The following SH3GL2 variants were observed in gnomAD, a reference collection of about 807,000 sequenced individuals.
SH3GL2 encodes SH3 domain containing GRB2 like 2, endophilin A1, also known as endophilin-A1.
Under a neutral mutation model 46.0 loss-of-function variants are expected in SH3GL2, and 24 were observed. That is an observed-to-expected ratio of 0.52 (90% CI 0.38 to 0.73). The LOEUF (loss-of-function observed/expected upper bound fraction) is 0.73, where lower values mean the gene tolerates loss of function less well. Among genes scored for constraint, SH3GL2 ranks in the 30% least tolerant of loss-of-function variants. The pLI, the probability that SH3GL2 is intolerant of heterozygous loss-of-function variation, is 0.00. For missense variants in SH3GL2, 413 were observed against 424.2 expected (o/e 0.97, Z 0.23); for synonymous variants, 196 against 147.1 (o/e 1.33, Z -2.40).
At chr9:17,682,399 A>C (rs529171581) in intron 1 of SH3GL2, among the ~76,000 whole-genome samples, 7 of 152,276 alleles carry the variant, frequency 4.6e-5, no homozygotes, top group African/African-American at 1.7e-4. Flanking sequence ...ATGAGATCAG[A>C]TCCTTTGCAG....
At chr9:17,786,756 A>G (rs1467600944) in intron 4 of SH3GL2, among the ~76,000 whole-genome samples, 5 of 152,068 alleles carry the variant, frequency 3.3e-5, no homozygotes, top group African/African-American at 1.2e-4. Flanking sequence ...AGTCTTTACA[A>G]CAGCTTTGGT....
rs200983128 is a variant in SH3GL2, at chr9:17,761,524, T to G, written c.187+15T>G. The G allele has an allele frequency of 2.7e-6, 4 of 1,472,748 alleles. No homozygotes were observed. The highest frequency in any genetic ancestry group is 3.8e-6 in the Non-Finnish European group (4 of 1,051,124). 91.2% of individuals were successfully genotyped at this position (1,472,748 alleles called of 1,614,324 possible). On this transcript the variant is annotated intron_variant, in intron 3 of 8. Coordinates refer to ENST00000380607, the MANE Select transcript of SH3GL2 (RefSeq NM_003026.5). The stretch of plus-strand genomic sequence containing the variant: ...ACCCAATCCAGGTAAGGCATCATCT[T>G]ATATGTTTAAAGGATCCCTCGAGGT...
chr9:17,772,498 C>A (rs1823513455), intron 3 of SH3GL2, among the ~76,000 whole-genome samples: 1 of 152,146 alleles, frequency 6.6e-6, no homozygotes, highest in Non-Finnish European at 1.5e-5. Context: ...TAATAACTCC[C>A]CCTTTCCTAC....
At chr9:17,725,810 AAC>A (rs1248434100) in intron 1 of SH3GL2, among the ~76,000 whole-genome samples, 1 of 152,148 alleles carries the variant, frequency 6.6e-6, no homozygotes, top group Admixed American at 6.5e-5. Flanking sequence ...GTGCTTCCAC[AAC>A]ACATGGCTGG....
chr9:17,625,504 T>C (rs978972853), intron 1 of SH3GL2, among the ~76,000 whole-genome samples: 1 of 152,238 alleles, frequency 6.6e-6, no homozygotes, highest in Non-Finnish European at 1.5e-5. Context: ...TGGGATCCTC[T>C]GGACAATACC....
intron 1 of SH3GL2, among the ~76,000 whole-genome samples, chr9:17,709,003 T>C (rs138134808): frequency 1.2e-4 from 19 of 152,158 alleles, no homozygotes; most frequent in African/African-American, 2.2e-4. Flanking sequence ...TGTTCAGCAA[T>C]TGATTTTGTT....
intron 1 of SH3GL2, among the ~76,000 whole-genome samples, chr9:17,746,823 G>A (rs930089200): frequency 8.5e-5 from 13 of 152,186 alleles, no homozygotes; most frequent in East Asian, 1.9e-4. Context: ...GGAGCACTGA[G>A]GTTGAAATCA....
intron 1 of SH3GL2, among the ~76,000 whole-genome samples, chr9:17,695,204 G>T (rs148732798): frequency 5.9e-5 from 9 of 152,190 alleles, no homozygotes; most frequent in African/African-American, 2.2e-4. Flanking sequence ...TTGGTGTCTT[G>T]TAGCATAAGA....
At chr9:17,628,149 G>A (rs1486288493) in intron 1 of SH3GL2, among the ~76,000 whole-genome samples, 3 of 152,104 alleles carry the variant, frequency 2.0e-5, no homozygotes, top group African/African-American at 7.2e-5. Flanking sequence ...TTTAAAACAC[G>A]ATTATATCAT....
Position 17,751,066 on chromosome 9 carries a change from A to G in SH3GL2, c.114+3932A>G, listed in dbSNP as rs575598440. Among the ~76,000 whole-genome samples, 3 of 152,300 alleles carry G rather than the reference A, an allele frequency of 2.0e-5. No homozygotes were observed. In the South Asian group the frequency reaches 6.2e-4, roughly 32 times the overall value. On this transcript the variant is annotated intron_variant, in intron 2 of 8. Transcript: ENST00000380607. ...AGAATTCTAAGCTGAGGAATATAGT[A>G]TCTGTTTTGCAGCCTGAAAATTATT...
chr9:17,644,527 T>A (rs974349068), intron 1 of SH3GL2, among the ~76,000 whole-genome samples: 10 of 152,194 alleles, frequency 6.6e-5, no homozygotes, highest in Admixed American at 2.6e-4. Context: ...GTACACTGTG[T>A]GTTCTTATTG....
At chr9:17,699,217 G>T (rs1009925719) in intron 1 of SH3GL2, among the ~76,000 whole-genome samples, 7 of 150,840 alleles carry the variant, frequency 4.6e-5, no homozygotes, top group African/African-American at 1.7e-4. Flanking sequence ...GCCAAAATTC[G>T]GTGAAATATT....
At chr9:17,663,091 T>G (rs1221951035) in intron 1 of SH3GL2, among the ~76,000 whole-genome samples, 1 of 152,190 alleles carries the variant, frequency 6.6e-6, no homozygotes, top group African/African-American at 2.4e-5. Flanking sequence ...ATCCTCAGGC[T>G]TTGGGTCTTA....
chr9:17,689,967 A>G (rs942314085), intron 1 of SH3GL2, among the ~76,000 whole-genome samples: 1 of 152,158 alleles, frequency 6.6e-6, no homozygotes, highest in African/African-American at 2.4e-5. Flanking sequence ...GGCAAGTGGT[A>G]GGTAGCACTG....
intron 1 of SH3GL2, among the ~76,000 whole-genome samples, chr9:17,588,603 G>C (rs999567987): frequency 2.0e-5 from 3 of 152,100 alleles, no homozygotes; most frequent in Admixed American, 2.0e-4. Flanking sequence ...CCATCAGCAG[G>C]GAAAATAGGG....
intron 7 of SH3GL2, 103 bp from the exon 8 acceptor site, chr9:17,793,264 G>T (rs1824186014): frequency 9.1e-6 from 9 of 988,842 alleles, no homozygotes; most frequent in Non-Finnish European, 1.2e-5. Flanking sequence ...CATCATGGTA[G>T]CATGGTGGGT....
intron 1 of SH3GL2, among the ~76,000 whole-genome samples, chr9:17,603,122 A>G (rs1399438105): frequency 6.6e-6 from 1 of 152,214 alleles, no homozygotes; most frequent in East Asian, 1.9e-4. Context: ...ATTCCAGAGC[A>G]GCAAAGAGTT....
chr9:17,652,682 A>G (rs887828646), intron 1 of SH3GL2, among the ~76,000 whole-genome samples: 14 of 152,190 alleles, frequency 9.2e-5, no homozygotes, highest in African/African-American at 2.4e-4. Flanking sequence ...GAGCACCAAC[A>G]TGACACTCAA....
chr9:17,777,643 C>CTAA (rs56161289), intron 3 of SH3GL2, among the ~76,000 whole-genome samples: 17,634 of 151,986 alleles, frequency 0.12, 1,127 homozygotes, highest in Admixed American at 0.15. Context: ...GGTAGTTAGA[C>CTAA]GCCTTCTCAC....
Sources: allele counts gnomAD v4.1 joint callset (sites outside exome capture counted in the v4.1 genomes callset), GRCh38; gene constraint gnomAD v4.1.1; transcripts MANE v1.5; gene names NCBI Gene and HGNC (gene_info 2026-07-23, HGNC 2026-07-21).